The following PIP5K1C variants were observed in gnomAD, a reference collection of about 807,000 sequenced individuals.
The protein encoded by PIP5K1C is phosphatidylinositol-4-phosphate 5-kinase type 1 gamma, also known as phosphatidylinositol 4-phosphate 5-kinase type-1 gamma.
A neutral mutation model predicts 80.1 loss-of-function variants in PIP5K1C; 45 were observed. The ratio of observed to expected loss-of-function variants is 0.56; its 90% confidence interval spans 0.44 to 0.72. PIP5K1C has a LOEUF of 0.72. PIP5K1C is among the 30% of genes least tolerant of loss of function. The pLI, the probability that PIP5K1C is intolerant of heterozygous loss-of-function variation, is 0.00. For synonymous variants in PIP5K1C, 498 were observed against 420.1 expected, an observed-to-expected ratio of 1.19 and a Z score of -2.27; for missense variants, 753 against 954.6, an observed-to-expected ratio of 0.79 and a Z score of 2.78.
rs377389017 is a variant in PIP5K1C, at chr19:3,633,121, C to T, written c.*46G>A. ...GGTGGGCAGCGCCTTCGGGGGCAGCCGGAGCAGAAGTGGAGCTCGGCTCTG... is the reference window on the plus strand; with the variant it reads ...GGTGGGCAGCGCCTTCGGGGGCAGCTGGAGCAGAAGTGGAGCTCGGCTCTG... On this transcript the variant is annotated 3_prime_UTR_variant, in exon 18 of 18. Coordinates refer to ENST00000335312, the MANE Select transcript of PIP5K1C (RefSeq NM_012398.3). 32 of 745,264 alleles carry T rather than the reference C, an allele frequency of 4.3e-5. No homozygotes were observed. Among genetic ancestry groups the T allele is most frequent in the East Asian group, 7.7e-5 (3 of 39,202 alleles). 46.2% of individuals were successfully genotyped at this position (745,264 alleles called of 1,614,324 possible).
In PIP5K1C at chr19:3,652,168, G is replaced by C. The variant is rs1265421780; in HGVS notation, c.922-137C>G. ...AGAGATGGAGTCCCACGGCCAGGCA[G>C]GAGTGGGGGTTCTAGTGTTATCCTG... On this transcript the variant is annotated intron_variant, in intron 7 of 17. Coordinates refer to ENST00000335312, the MANE Select transcript of PIP5K1C (RefSeq NM_012398.3). 4 of 713,182 alleles carry C rather than the reference G, an allele frequency of 5.6e-6. No homozygotes were observed. In the Admixed American group the frequency reaches 1.1e-4, roughly 19 times the overall value. 44.2% of individuals were successfully genotyped at this position (713,182 alleles called of 1,614,324 possible).
At chr19:3,660,701 G>C (rs925354281) in intron 5 of PIP5K1C, among the ~76,000 whole-genome samples, 1 of 152,240 alleles carries the variant, frequency 6.6e-6, no homozygotes, top group Non-Finnish European at 1.5e-5. Flanking sequence ...CTGCTCTGAT[G>C]ACAAGGCCCA....
Position 3,637,255 on chromosome 19 carries a change from C to T in PIP5K1C, c.1920+1629G>A. The T allele has an allele frequency of 6.9e-7, 1 of 1,459,048 alleles. No individual in the cohort carries two copies. The highest frequency in any genetic ancestry group is 9.0e-7 in the Non-Finnish European group (1 of 1,108,510). 90.4% of individuals were successfully genotyped at this position (1,459,048 alleles called of 1,614,324 possible). On this transcript the variant is annotated intron_variant, in intron 16 of 17. Transcript: ENST00000335312. This position sits in a 1 kb window ranked among gnomAD's most constrained non-coding sequence, Gnocchi z 7.0. ...GGGCTCGCTGGGGTCTGGCCGGGGTCCGAAGCAGACCCTGGGCCTCAGCTG... is the reference window on the plus strand; with the variant it reads ...GGGCTCGCTGGGGTCTGGCCGGGGTTCGAAGCAGACCCTGGGCCTCAGCTG...
rs2145409769 is a variant in PIP5K1C, at chr19:3,644,207, G to C, written c.1390C>G (p.Leu464Val). 1 of 1,612,508 alleles carries C rather than the reference G, an allele frequency of 6.2e-7. No individual in the cohort carries two copies. Among genetic ancestry groups the C allele is most frequent in the South Asian group, 1.1e-5 (1 of 91,084 alleles). Reference sequence around the variant, plus strand: ...GTGGGCCCCAGCGGTTTCACAGCTAGCAAGGCTCCGCCGCGCCCCTTCTTG... The same window carrying C: ...GTGGGCCCCAGCGGTTTCACAGCTACCAAGGCTCCGCCGCGCCCCTTCTTG... ...PSKKGRGGALLAVKPLGPTAA... is the reference protein window; with the variant it reads ...PSKKGRGGALVAVKPLGPTAA... Residue 464 changes from leucine to valine, a missense_variant, in exon 12 of 18, where the codon CTA becomes GTA. Around this residue, in one of 6 missense-constraint regions of PIP5K1C, gnomAD observed 315 missense variants for 294.5 expected, o/e 1.07. Coordinates refer to ENST00000335312, the MANE Select transcript of PIP5K1C (RefSeq NM_012398.3).
At chr19:3,694,029 G>A (rs560710123) in intron 1 of PIP5K1C, among the ~76,000 whole-genome samples, 2 of 152,102 alleles carry the variant, frequency 1.3e-5, no homozygotes, top group South Asian at 2.1e-4. Context: ...TGGCTAACAC[G>A]GTGAAACCCT....
intron 1 of PIP5K1C, among the ~76,000 whole-genome samples, chr19:3,697,095 C>T (rs187388125): frequency 2.1e-5 from 3 of 141,024 alleles, no homozygotes; most frequent in Non-Finnish European, 3.1e-5. Flanking sequence ...CGAGCTGGAC[C>T]GAGGAGGACC....
chr19:3,680,479 ATT>A (rs1262137779), intron 1 of PIP5K1C, among the ~76,000 whole-genome samples: 2 of 151,918 alleles, frequency 1.3e-5, no homozygotes, highest in African/African-American at 4.8e-5. Context: ...TAATTTTTCT[ATT>A]TTTATAGAGA....
chr19:3,670,966 G>A (rs887964797), intron 1 of PIP5K1C, among the ~76,000 whole-genome samples: 1 of 152,388 alleles, frequency 6.6e-6, no homozygotes, highest in East Asian at 1.9e-4. Context: ...TCTGGGCCGC[G>A]GCGGGGCGGA....
intron 16 of PIP5K1C, chr19:3,636,841 G>C: frequency 1.0e-6 from 1 of 991,726 alleles, no homozygotes; most frequent in African/African-American, 1.7e-5. Flanking sequence ...TGCTGGGCAG[G>C]TCTCTTAGGC....
intron 11 of PIP5K1C, among the ~76,000 whole-genome samples, chr19:3,644,688 C>T (rs981531886): frequency 2.0e-5 from 3 of 152,210 alleles, no homozygotes; most frequent in African/African-American, 7.2e-5. Context: ...GCATGTAGGG[C>T]CTGAGCGCAG....
rs1359187352 is a variant in PIP5K1C at position 3,630,222 on chromosome 19, C to CG, written c.*2944dup. The CG allele has an allele frequency of 3.3e-5, 5 of 152,226 alleles. No homozygotes were observed. The highest frequency in any genetic ancestry group is 7.4e-5 in the Non-Finnish European group (5 of 68,010). The allele number at this position is 152,226 out of a possible 1,614,324, so 9.4% of individuals were successfully genotyped here. A position where few individuals can be genotyped will look rare whatever the true frequency, so the allele number is the denominator to read the frequency against. ...TTTATTAGAGAGATCTCTAAAAAGACGGGGTGTGGCGGGGGTAGGTGGGCG... is the reference window on the plus strand; with the variant it reads ...TTTATTAGAGAGATCTCTAAAAAGACGGGGGTGTGGCGGGGGTAGGTGGGCG... On this transcript the variant is annotated 3_prime_UTR_variant, in exon 18 of 18. Transcript: ENST00000335312.
chr19:3,673,209 C>T (rs1271907434), intron 1 of PIP5K1C, among the ~76,000 whole-genome samples: 1 of 152,152 alleles, frequency 6.6e-6, no homozygotes, highest in East Asian at 1.9e-4. Flanking sequence ...TGTGTCATGG[C>T]CTTTGCACGA....
At chr19:3,684,190 C>T (rs2035681713) in intron 1 of PIP5K1C, among the ~76,000 whole-genome samples, 1 of 152,186 alleles carries the variant, frequency 6.6e-6, no homozygotes, top group East Asian at 1.9e-4. Flanking sequence ...CCGCTCACAG[C>T]GCTGCAGTGG....
At chr19:3,698,172 C>G (rs896410212) in intron 1 of PIP5K1C, among the ~76,000 whole-genome samples, 3 of 152,248 alleles carry the variant, frequency 2.0e-5, no homozygotes, top group African/African-American at 7.2e-5. Flanking sequence ...GCATGGGCCT[C>G]AGCAGGGGCC....
chr19:3,667,259 C>T (rs979761944), intron 2 of PIP5K1C, 63 bp downstream of exon 2: 39 of 1,461,304 alleles, frequency 2.7e-5, no homozygotes, highest in South Asian at 1.7e-4. Context: ...AGCTTCTCCG[C>T]GAGTAGGGAG....
Position 3,637,370 on chromosome 19 carries a change from G to A in PIP5K1C, c.1920+1514C>T. On this transcript the variant is annotated intron_variant, in intron 16 of 17. Transcript: ENST00000335312. The surrounding 1 kb of genome is among the most constrained non-coding windows in gnomAD (Gnocchi z 7.0). ...AGTGACGCATGCAGCCCAGCGCCTG[G>A]TCCGGGGCCAGCGTGGCTGACCTCA... The A allele has an allele frequency of 6.5e-7, 1 of 1,535,458 alleles. No individual in the cohort carries two copies. The highest frequency in any genetic ancestry group is 1.2e-5 in the South Asian group (1 of 84,060).
Position 3,632,872 on chromosome 19 carries a change from T to C in PIP5K1C, c.*295A>G, listed in dbSNP as rs1410401159. 14 of 459,978 alleles carry C rather than the reference T, an allele frequency of 3.0e-5. No individual in the cohort carries two copies. Among genetic ancestry groups the C allele is most frequent in the Admixed American group, 1.5e-4 (4 of 25,878 alleles). The allele number at this position is 459,978 out of a possible 1,614,324, so 28.5% of individuals were successfully genotyped here. ...TTTGTTTGTGTCTTTTTTGTTCTTT[T>C]CCTAAAACGGCACACACGTGCTTCC... On this transcript the variant is annotated 3_prime_UTR_variant, in exon 18 of 18. Coordinates refer to ENST00000335312, the MANE Select transcript of PIP5K1C (RefSeq NM_012398.3).
chr19:3,687,857 G>A lies in PIP5K1C; in HGVS notation c.94+12440C>T, dbSNP rs965681430. Among the ~76,000 whole-genome samples, 6 of 152,310 alleles carry A rather than the reference G, an allele frequency of 3.9e-5. No individual in the cohort carries two copies. The East Asian group carries it at 5.8e-4, about 15-fold the overall frequency. ...CAGGTGGGCGGGCAGGAGCCAGGCCGGTAAACAGGAAGCTCTGCGCAGGCG... is the reference window on the plus strand; with the variant it reads ...CAGGTGGGCGGGCAGGAGCCAGGCCAGTAAACAGGAAGCTCTGCGCAGGCG... On this transcript the variant is annotated intron_variant, in intron 1 of 17. Coordinates refer to ENST00000335312, the MANE Select transcript of PIP5K1C (RefSeq NM_012398.3).
At chr19:3,653,865 C>T (rs550500633) in intron 6 of PIP5K1C, among the ~76,000 whole-genome samples, 1 of 152,388 alleles carries the variant, frequency 6.6e-6, no homozygotes, top group East Asian at 1.9e-4. Flanking sequence ...GAAGCTTCCA[C>T]ACTCCCTGCC....
Sources: allele counts gnomAD v4.1 joint callset (sites outside exome capture counted in the v4.1 genomes callset), GRCh38; gene constraint gnomAD v4.1.1; regional missense constraint gnomAD v4.1.1; non-coding constraint Gnocchi (gnomAD v3.1); transcripts MANE v1.5; gene names NCBI Gene and HGNC (gene_info 2026-07-23, HGNC 2026-07-21).